The following LUZP2 variants were observed in gnomAD, a reference collection of about 807,000 sequenced individuals.
LUZP2 encodes the protein leucine zipper protein 2.
Under a neutral mutation model 51.6 loss-of-function variants are expected in LUZP2, and 52 were observed. The observed-to-expected ratio is 1.01, with a 90% CI of 0.81 to 1.27. The LOEUF (loss-of-function observed/expected upper bound fraction) is 1.27, where lower values mean the gene tolerates loss of function less well. Ranked by LOEUF, LUZP2 falls within the 50% of genes most tolerant of loss-of-function variation. The pLI is 0.00. For missense variants in LUZP2, 436 were observed against 395.4 expected (o/e 1.10, Z -0.87); for synonymous variants, 154 against 137.3 (o/e 1.12, Z -0.85).
At chr11:25,050,155 T>C in intron 10 of LUZP2, 25 bp downstream of exon 10, 1 of 1,465,312 alleles carries the variant, frequency 6.8e-7, no homozygotes, top group South Asian at 1.2e-5. Context: ...AGATGCTTTT[T>C]ACAGTATTAG....
intron 10 of LUZP2, among the ~76,000 whole-genome samples, chr11:25,060,487 G>A (rs78450245): frequency 2.6e-4 from 39 of 152,144 alleles, no homozygotes; most frequent in African/African-American, 9.2e-4. Context: ...AAATTTTGCG[G>A]GGACATAAAT....
chr11:24,633,960 G>GTATATA (rs766684338), intron 1 of LUZP2, among the ~76,000 whole-genome samples: 51 of 135,734 alleles, frequency 3.8e-4, no homozygotes, highest in African/African-American at 9.7e-4. Context: ...GTGTGTGTGT[G>GTATATA]TGTGTATATA....
intron 7 of LUZP2, among the ~76,000 whole-genome samples, chr11:24,957,684 T>A (rs113645562): frequency 6.6e-6 from 1 of 152,196 alleles, no homozygotes; most frequent in African/African-American, 2.4e-5. Context: ...TTATTTCTTT[T>A]CAAAGGCTGA....
intron 9 of LUZP2, among the ~76,000 whole-genome samples, chr11:25,020,112 C>T (rs1857287898): frequency 6.6e-6 from 1 of 152,014 alleles, no homozygotes; most frequent in Non-Finnish European, 1.5e-5. Context: ...TAAAGTTTAT[C>T]ATTTTAACAT....
At chr11:24,929,435 T>C (rs532660083) in intron 7 of LUZP2, among the ~76,000 whole-genome samples, 25 of 152,246 alleles carry the variant, frequency 1.6e-4, no homozygotes, top group Middle Eastern at 3.4e-3. Flanking sequence ...ATCATTCAGT[T>C]CAAAGAATTT....
intron 5 of LUZP2, among the ~76,000 whole-genome samples, chr11:24,896,486 T>C (rs1726640021): frequency 6.6e-6 from 1 of 152,148 alleles, no homozygotes; most frequent in Admixed American, 6.5e-5. Context: ...GGCCCACCCA[T>C]GCTGCGCTCA....
At chr11:25,035,868 C>T (rs1025894415) in intron 9 of LUZP2, among the ~76,000 whole-genome samples, 4 of 152,028 alleles carry the variant, frequency 2.6e-5, no homozygotes, top group Non-Finnish European at 5.9e-5. Context: ...ACTCAGTTTG[C>T]TAATATTTTG....
chr11:24,530,173 C>G (rs1031362116), intron 1 of LUZP2, among the ~76,000 whole-genome samples: 1 of 150,518 alleles, frequency 6.6e-6, no homozygotes, highest in African/African-American at 2.4e-5. Flanking sequence ...ATTAAAATAC[C>G]CAAAAATTTT....
intron 9 of LUZP2, among the ~76,000 whole-genome samples, chr11:25,049,794 T>C (rs1858433955): frequency 6.6e-6 from 1 of 152,052 alleles, no homozygotes; most frequent in Non-Finnish European, 1.5e-5. Context: ...ATAATCCCAA[T>C]GGACATCACT....
intron 9 of LUZP2, among the ~76,000 whole-genome samples, chr11:25,002,769 C>A (rs973729505): frequency 6.6e-6 from 1 of 152,118 alleles, no homozygotes; most frequent in African/African-American, 2.4e-5. Context: ...AAGTTTTGTC[C>A]TGTGGGAAGG....
intron 10 of LUZP2, among the ~76,000 whole-genome samples, chr11:25,059,790 G>C (rs1047861032): frequency 2.6e-5 from 4 of 152,098 alleles, no homozygotes; most frequent in African/African-American, 4.8e-5. Context: ...TAAATTCTTT[G>C]GCAATGTCTA....
intron 1 of LUZP2, among the ~76,000 whole-genome samples, chr11:24,707,297 T>G (rs572488160): frequency 6.7e-6 from 1 of 149,934 alleles, no homozygotes; most frequent in Admixed American, 6.6e-5. Flanking sequence ...TCTCTCTCAT[T>G]CTGTGTGTGC....
chr11:24,570,563 A>G (rs893927134), intron 1 of LUZP2, among the ~76,000 whole-genome samples: 2 of 152,142 alleles, frequency 1.3e-5, no homozygotes, highest in Non-Finnish European at 1.5e-5. Flanking sequence ...CTCCATTTCA[A>G]CACACTGGGG....
intron 4 of LUZP2, among the ~76,000 whole-genome samples, chr11:24,739,034 A>G: frequency 6.6e-6 from 1 of 152,074 alleles, no homozygotes. Flanking sequence ...CATATGAGGT[A>G]TGGTAAGGTC....
At chr11:24,568,261 G>GA (rs1852308313) in intron 1 of LUZP2, among the ~76,000 whole-genome samples, 1 of 150,748 alleles carries the variant, frequency 6.6e-6, no homozygotes, top group African/African-American at 2.4e-5. Flanking sequence ...TCGAGAGGCT[G>GA]AGACATGAGA....
chr11:24,521,506 G>A (rs772517064), intron 1 of LUZP2, among the ~76,000 whole-genome samples: 3 of 152,054 alleles, frequency 2.0e-5, no homozygotes, highest in African/African-American at 4.8e-5. Context: ...TAAAGGCCTA[G>A]CATTTCAAGG....
At chr11:24,764,490 T>TAAAAAAAAAAAAAAAAAA (rs869045272) in intron 5 of LUZP2, among the ~76,000 whole-genome samples, 10 of 94,054 alleles carry the variant, frequency 1.1e-4, no homozygotes, top group South Asian at 4.0e-4. Context: ...ATCTCATCTC[T>TAAAAAAAAAAAAAAAAAA]AAAAAAAAAA....
chr11:25,026,128 A>T (rs899324276), intron 9 of LUZP2, among the ~76,000 whole-genome samples: 1 of 125,096 alleles, frequency 8.0e-6, no homozygotes, highest in Non-Finnish European at 1.6e-5. Context: ...AACATGACAC[A>T]CTGGAGCCTG....
chr11:24,623,819 C>G (rs1268557219), intron 1 of LUZP2, among the ~76,000 whole-genome samples: 1 of 152,042 alleles, frequency 6.6e-6, no homozygotes, highest in African/African-American at 2.4e-5. Context: ...TGCACTCCAG[C>G]CTGGGCGACA....
Sources: gnomAD v4.1 joint callset for allele counts (sites outside exome capture counted in the v4.1 genomes callset) on GRCh38, gnomAD v4.1.1 for gene constraint, MANE v1.5 for transcripts, NCBI Gene and HGNC (gene_info 2026-07-23, HGNC 2026-07-21) for gene names.